The following ATP4A variants were observed in gnomAD, a reference collection of about 807,000 sequenced individuals.
ATP4A encodes ATPase H+/K+ transporting subunit alpha, also known as potassium-transporting ATPase alpha chain 1.
ATP4A carries 73 observed loss-of-function variants against 112.1 expected under a neutral mutation model. The observed-to-expected ratio is 0.65, with a 90% CI of 0.54 to 0.79. The LOEUF (loss-of-function observed/expected upper bound fraction) is 0.79, where lower values mean the gene tolerates loss of function less well. Ranked by LOEUF, ATP4A falls within the 30% of genes least tolerant of loss-of-function variation. The pLI, the probability that ATP4A is intolerant of heterozygous loss-of-function variation, is 0.00. For missense variants in ATP4A, 1,081 were observed against 1,425.9 expected (o/e 0.76, Z 3.90); for synonymous variants, 588 against 588.9 (o/e 1.00, Z 0.02).
In ATP4A at chr19:35,563,261, T is replaced by G. The variant is rs746356652; in HGVS notation, c.164A>C (p.His55Pro). ...TTCCAGCTCCGCCACTGACAGCTGG[T>G]GGTCGTTCTGTGTGGTGGGGTGGGG... is the stretch of plus-strand genomic sequence containing the variant. ...NMKKEMEINDHQLSVAELEQK... is the reference protein window; with the variant it reads ...NMKKEMEINDPQLSVAELEQK... The change falls in exon 3 of 22, where the codon CAC becomes CCC. Residue 55 changes from histidine (H) to proline (P), a missense_variant. This residue lies in a region of ATP4A where 850 missense variants were observed against 1,068.2 expected (regional missense o/e 0.80). Coordinates refer to ENST00000262623, the MANE Select transcript of ATP4A (RefSeq NM_000704.3). The G allele has an allele frequency of 2.5e-5, 41 of 1,613,934 alleles. No homozygotes were observed. The highest frequency in any genetic ancestry group is 3.4e-5 in the Non-Finnish European group (40 of 1,180,012).
chr19:35,554,976 C>T lies in ATP4A; in HGVS notation c.2427G>A (p.Val809=), dbSNP rs780872582. The change falls in exon 16 of 22, where the codon GTG becomes GTA. Residue 809 remains valine, a synonymous_variant. Coordinates refer to ENST00000262623, the MANE Select transcript of ATP4A (RefSeq NM_000704.3). ...TPYLIYITVS[V]PLPLGCITIL... ...TGGTGATGCACCCGAGGGGCAGGGG[C>T]ACGCTGACGGTGATGTAGATGAGGT... 1 of 1,614,144 alleles carries T rather than the reference C, an allele frequency of 6.2e-7. No homozygotes were observed.
At chr19:35,561,003 C>G in intron 4 of ATP4A, 71 bp from the exon 5 acceptor site, 1 of 1,265,538 alleles carries the variant, frequency 7.9e-7, no homozygotes, top group Non-Finnish European at 1.1e-6. Context: ...CCGACCTGCT[C>G]CCTGGTGCCC....
Position 35,558,691 on chromosome 19 carries a change from A to G in ATP4A, c.1256-5T>C. On this transcript the variant is annotated splice_region_variant and splice_polypyrimidine_tract_variant and intron_variant, in intron 8 of 21. Coordinates refer to ENST00000262623, the MANE Select transcript of ATP4A (RefSeq NM_000704.3). This position sits in a 1 kb window ranked among gnomAD's most constrained non-coding sequence, Gnocchi z 5.1. ...AGGACTGGTCAAACGTCTGCCCTGC[A>G]GACCAGGCGTCCAGGCTGGGTCCCG... 6.3e-7 allele frequency: 1 copy of G among 1,586,342 alleles called. No individual in the cohort carries two copies. The highest frequency in any genetic ancestry group is 8.6e-7 in the Non-Finnish European group (1 of 1,168,734).
chr19:35,557,124 G>T lies in ATP4A; in HGVS notation c.1694-36C>A. On this transcript the variant is annotated intron_variant, in intron 11 of 21. Transcript: ENST00000262623. This position sits in a 1 kb window ranked among gnomAD's most constrained non-coding sequence, Gnocchi z 4.4. ...ACGGGGAAGTCAGGGAAGAGCCCTG[G>T]GCACACCCTTTCTTAGCAGGGCCAG... 1 of 1,609,674 alleles carries T rather than the reference G, an allele frequency of 6.2e-7. No homozygotes were observed. The highest frequency in any genetic ancestry group is 8.5e-7 in the Non-Finnish European group (1 of 1,177,312).
Position 35,560,663 on chromosome 19 carries a change from G to GGGC in ATP4A, c.535-49_535-48insGCC. 1.9e-5 allele frequency: 17 copies of GGGC among 883,938 alleles called. No homozygotes were observed. Among genetic ancestry groups the GGGC allele is most frequent in the Middle Eastern group, 2.4e-4 (1 of 4,200 alleles). 54.8% of individuals were successfully genotyped at this position (883,938 alleles called of 1,614,324 possible). The stretch of plus-strand genomic sequence containing the variant: ...TTGAGGTGGACGGGGGTGGGGGTGG[G>GGGC]AGCTGCTGCATGTGGGGAGGTAAAG... On this transcript the variant is annotated intron_variant, in intron 5 of 21. Coordinates refer to ENST00000262623, the MANE Select transcript of ATP4A (RefSeq NM_000704.3). The surrounding 1 kb of genome is among the most constrained non-coding windows in gnomAD (Gnocchi z 5.1).
Position 35,557,609 on chromosome 19 carries a change from GCTC to G in ATP4A, c.1693+43_1693+45del. On this transcript the variant is annotated intron_variant, in intron 11 of 21. Coordinates refer to ENST00000262623, the MANE Select transcript of ATP4A (RefSeq NM_000704.3). The surrounding 1 kb of genome is among the most constrained non-coding windows in gnomAD (Gnocchi z 4.4). ...GGAGTGGTGGGCAGGGTCTGTGCTA[GCTC>G]CTCCTCGCACCTGGAGTCTCCTCCC... 6.4e-7 allele frequency: 1 copy of G among 1,554,478 alleles called. No homozygotes were observed. The highest frequency in any genetic ancestry group is 1.2e-5 in the South Asian group (1 of 84,248).
Position 35,553,723 on chromosome 19 carries a change from T to C in ATP4A, c.2588A>G (p.Tyr863Cys). 1 of 1,613,446 alleles carries C rather than the reference T, an allele frequency of 6.2e-7. No individual in the cohort carries two copies. The highest frequency in any genetic ancestry group is 1.1e-5 in the South Asian group (1 of 91,000). ...GCACCCACCAATCTGGAAGTAGGAGTAGGCAGCCAGGGGCTCGTTGACCAA... is the reference window on the plus strand; with the variant it reads ...GCACCCACCAATCTGGAAGTAGGAGCAGGCAGCCAGGGGCTCGTTGACCAA... ...DRLVNEPLAA[Y>C]SYFQIGAIQS... Residue 863 changes from tyrosine (Y) to cysteine (C), a missense_variant, in exon 17 of 22, where the codon TAC becomes TGC. Physicochemically the swap from Tyr to Cys is radical, Grantham distance 194 (BLOSUM62 -2). Transcript: ENST00000262623.
intron 4 of ATP4A, 79 bp downstream of exon 4, chr19:35,562,356 T>C: frequency 1.3e-6 from 2 of 1,509,964 alleles, no homozygotes; most frequent in Middle Eastern, 1.7e-4. Context: ...TCTCTGCCCC[T>C]CTTGTCCCAA....
Position 35,558,140 on chromosome 19 carries a change from A to G in ATP4A, c.1500+222T>C, listed in dbSNP as rs2071643612. Reference sequence around the variant, plus strand: ...GGATTTGGAGAGCGAGGTGCTCCCCATGGACAGTCCCGCCGAGGAGAAGCT... The same window carrying G: ...GGATTTGGAGAGCGAGGTGCTCCCCGTGGACAGTCCCGCCGAGGAGAAGCT... On this transcript the variant is annotated intron_variant, in intron 10 of 21. Coordinates refer to ENST00000262623, the MANE Select transcript of ATP4A (RefSeq NM_000704.3). This position sits in a 1 kb window ranked among gnomAD's most constrained non-coding sequence, Gnocchi z 5.1. 2.3e-5 allele frequency: 15 copies of G among 658,558 alleles called. No individual in the cohort carries two copies. The South Asian group carries it at 2.5e-4, about 11-fold the overall frequency. The allele number at this position is 658,558 out of a possible 1,614,324, so 40.8% of individuals were successfully genotyped here.
chr19:35,550,397 C>T lies in ATP4A; in HGVS notation c.*218G>A, dbSNP rs1568312425. The T allele has an allele frequency of 6.4e-6, 4 of 622,700 alleles. No homozygotes were observed. The highest frequency in any genetic ancestry group is 2.8e-5 in the East Asian group (1 of 35,106). 38.6% of individuals were successfully genotyped at this position (622,700 alleles called of 1,614,324 possible). ...TTCCCGAGGCCAGCCCAGAGGACTG[C>T]CCAGGCGCTGCTGCTCCAGGAGGTG... is the stretch of plus-strand genomic sequence containing the variant. On this transcript the variant is annotated 3_prime_UTR_variant, in exon 22 of 22. Transcript: ENST00000262623. The surrounding 1 kb of genome is among the most constrained non-coding windows in gnomAD (Gnocchi z 4.1).
At position 35,551,087 on chromosome 19, in the gene ATP4A, G is replaced by A. The variant is rs1450564315; in HGVS notation, c.2910C>T (p.Ile970=). Residue 970 remains isoleucine, a synonymous_variant, in exon 20 of 22, where the codon ATC becomes ATT. Transcript: ENST00000262623. This position sits in a 1 kb window ranked among gnomAD's most constrained non-coding sequence, Gnocchi z 5.2. Reference sequence around the variant, plus strand: ...AGCAGCCGATGCAGACCTGGAACACGATGGCGATCACCAGGATCTTATTCC... The same window carrying A: ...AGCAGCCGATGCAGACCTGGAACACAATGGCGATCACCAGGATCTTATTCC... The part of the protein sequence containing the change: ...FFRNKILVIA[I]VFQVCIGCFL... The A allele has an allele frequency of 2.5e-6, 4 of 1,611,966 alleles. No individual in the cohort carries two copies. The highest frequency in any genetic ancestry group is 1.1e-5 in the South Asian group (1 of 90,610).
Position 35,559,117 on chromosome 19 carries a change from T to A in ATP4A, c.1131A>T (p.Thr377=). The A allele has an allele frequency of 6.2e-7, 1 of 1,614,174 alleles. No homozygotes were observed. The highest frequency in any genetic ancestry group is 8.5e-7 in the Non-Finnish European group (1 of 1,180,026). Reference sequence around the variant, plus strand: ...AGCAGATCACCGAAGTGGAGCCCAATGTCTCCACCGCCTCCAGGTTCTTGA... The same window carrying A: ...AGCAGATCACCGAAGTGGAGCCCAAAGTCTCCACCGCCTCCAGGTTCTTGA... ...CVVKNLEAVE[T]LGSTSVICSD... Residue 377 remains threonine, a synonymous_variant, in exon 8 of 22, where the codon ACA becomes ACT. Coordinates refer to ENST00000262623, the MANE Select transcript of ATP4A (RefSeq NM_000704.3). The surrounding 1 kb of genome is among the most constrained non-coding windows in gnomAD (Gnocchi z 4.1).
Position 35,559,878 on chromosome 19 carries a change from A to G in ATP4A, c.983T>C (p.Phe328Ser). The G allele has an allele frequency of 6.2e-7, 1 of 1,614,220 alleles. No individual in the cohort carries two copies. Among genetic ancestry groups the G allele is most frequent in the Non-Finnish European group, 8.5e-7 (1 of 1,180,034 alleles). ...CATGAAGAAGACCATGGCCCGCAGG[A>G]AGGTGTAGCCAATGCACATGGCCAC... Reference protein sequence around the residue: ...FIVAMCIGYTFLRAMVFFMAI... With the variant: ...FIVAMCIGYTSLRAMVFFMAI... The change falls in exon 7 of 22, where the codon TTC becomes TCC. Residue 328 changes from phenylalanine (F) to serine (S), a missense_variant. By Grantham distance (155) the Phe-to-Ser change is radical. Transcript: ENST00000262623. The surrounding 1 kb of genome is among the most constrained non-coding windows in gnomAD (Gnocchi z 4.1).
In ATP4A at chr19:35,557,741, C is replaced by T. The variant is rs1369140674; in HGVS notation, c.1607G>A (p.Gly536Asp). Reference protein sequence around the residue: ...LERCSSILIKGQELPLDEQWR... With the variant: ...LERCSSILIKDQELPLDEQWR... ...CTGCTCGTCCAGCGGCAGCTCCTGG[C>T]CCTTGATAAGGATGGAGCTGCAGCG... The change falls in exon 11 of 22, where the codon GGC becomes GAC. Residue 536 changes from glycine (G) to aspartate (D), a missense_variant. By Grantham distance (94) the Gly-to-Asp change is moderately conservative (BLOSUM62 -1). Transcript: ENST00000262623. The surrounding 1 kb of genome is among the most constrained non-coding windows in gnomAD (Gnocchi z 4.4). 6.2e-7 allele frequency: 1 copy of T among 1,606,244 alleles called. No individual in the cohort carries two copies.
chr19:35,563,181 T>C (rs1163103997), intron 3 of ATP4A, 28 bp downstream of exon 3: 1 of 1,581,806 alleles, frequency 6.3e-7, no homozygotes, highest in African/African-American at 1.4e-5. Flanking sequence ...CTCCTCCCCT[T>C]TCTGTACGCT....
In ATP4A at chr19:35,550,598, T is replaced by C; in HGVS notation, c.*17A>G. The C allele has an allele frequency of 6.2e-7, 1 of 1,613,836 alleles. No individual in the cohort carries two copies. On this transcript the variant is annotated 3_prime_UTR_variant, in exon 22 of 22. Coordinates refer to ENST00000262623, the MANE Select transcript of ATP4A (RefSeq NM_000704.3). This position sits in a 1 kb window ranked among gnomAD's most constrained non-coding sequence, Gnocchi z 4.1. Reference sequence around the variant, plus strand: ...CTGCTGTGGCAGTTGCAGGGATGCTTGAAGGCAGTCGTCCCTCTAATAGTA... The same window carrying C: ...CTGCTGTGGCAGTTGCAGGGATGCTCGAAGGCAGTCGTCCCTCTAATAGTA...
In ATP4A at chr19:35,550,259, G is replaced by C. The variant is rs752742347; in HGVS notation, c.*356C>G. ...AGGACACAAGCGTGTCTTTAACGAAGGGCCCTCAGGCAGCCGTCCAGCCTG... is the reference window on the plus strand; with the variant it reads ...AGGACACAAGCGTGTCTTTAACGAACGGCCCTCAGGCAGCCGTCCAGCCTG... On this transcript the variant is annotated 3_prime_UTR_variant, in exon 22 of 22. Transcript: ENST00000262623. The surrounding 1 kb of genome is among the most constrained non-coding windows in gnomAD (Gnocchi z 4.1). The C allele has an allele frequency of 3.3e-4, 105 of 322,196 alleles. No individual in the cohort carries two copies. Among genetic ancestry groups the C allele is most frequent in the Non-Finnish European group, 4.9e-4 (84 of 171,802 alleles). 20.0% of individuals were successfully genotyped at this position (322,196 alleles called of 1,614,324 possible). A position where few individuals can be genotyped will look rare whatever the true frequency, so the allele number is the denominator to read the frequency against.
chr19:35,552,185 T>TA (rs1355058647), intron 18 of ATP4A, among the ~76,000 whole-genome samples: 3 of 152,164 alleles, frequency 2.0e-5, no homozygotes, highest in Non-Finnish European at 4.4e-5. Context: ...TAGCTGGAAT[T>TA]ACAAGCATGT....
intron 3 of ATP4A, 81 bp downstream of exon 3, chr19:35,563,128 C>G: frequency 1.3e-6 from 2 of 1,514,190 alleles, no homozygotes; most frequent in South Asian, 2.3e-5. Context: ...CTCTCTCCCT[C>G]TCTCCATCTC....
Sources: gnomAD v4.1 joint callset for allele counts (sites outside exome capture counted in the v4.1 genomes callset) on GRCh38, gnomAD v4.1.1 for gene constraint, gnomAD v4.1.1 regional missense constraint, Gnocchi (gnomAD v3.1) non-coding constraint, MANE v1.5 for transcripts, NCBI Gene and HGNC (gene_info 2026-07-23, HGNC 2026-07-21) for gene names.